The following PDZRN4 variants were observed in gnomAD, a reference collection of about 807,000 sequenced individuals.
PDZRN4 encodes the protein PDZ domain containing ring finger 4.
Under a neutral mutation model 99.0 loss-of-function variants are expected in PDZRN4, and 70 were observed. The ratio of observed to expected loss-of-function variants is 0.71; its 90% CI spans 0.58 to 0.86. PDZRN4 has a LOEUF of 0.86. Among genes scored for constraint, PDZRN4 ranks in the 40% least tolerant of loss-of-function variants. The probability of loss-of-function intolerance (pLI) is 0.00; values close to 1 mark genes in which losing one functional copy is unlikely to be tolerated. For synonymous variants in PDZRN4, 551 were observed against 501.6 expected (o/e 1.10, Z -1.32); for missense variants, 1,474 against 1,331.2 (o/e 1.11, Z -1.67).
Position 41,563,552 on chromosome 12 carries a change from A to G in PDZRN4, c.1370A>G (p.Asn457Ser), listed in dbSNP as rs1939310193. 4 of 1,610,782 alleles carry G rather than the reference A, an allele frequency of 2.5e-6. No homozygotes were observed. Among genetic ancestry groups the G allele is most frequent in the Non-Finnish European group, 3.4e-6 (4 of 1,177,138 alleles). Residue 457 changes from asparagine (N) to serine (S), a missense_variant, in exon 8 of 10, where the codon AAT becomes AGT. By Grantham distance (46) the Asn-to-Ser change is conservative. Transcript: ENST00000402685. The part of the protein sequence containing the change: ...IREGDRILQI[N>S]GEDVQNREEA... ...CCACTCTCATTTGTTTTCTAGATAA[A>G]TGGGGAAGATGTCCAGAATCGAGAA...
At chr12:41,319,201 C>T (rs1951658209) in intron 3 of PDZRN4, among the ~76,000 whole-genome samples, 1 of 152,118 alleles carries the variant, frequency 6.6e-6, no homozygotes, top group African/African-American at 2.4e-5. Context: ...CTCAGCCTCC[C>T]TAAGATTTCA....
chr12:41,402,075 GA>G (rs79247586), intron 3 of PDZRN4, among the ~76,000 whole-genome samples: 32 of 35,246 alleles, frequency 9.1e-4, no homozygotes, highest in Non-Finnish European at 1.3e-3. Context: ...AGCAGGAAAA[GA>G]AAAAAAAAAA....
At chr12:41,359,204 A>G (rs964791939) in intron 3 of PDZRN4, among the ~76,000 whole-genome samples, 1 of 151,994 alleles carries the variant, frequency 6.6e-6, no homozygotes, top group Non-Finnish European at 1.5e-5. Flanking sequence ...TTAGAAGGAA[A>G]GAGCTGATTA....
chr12:41,333,821 C>T (rs1008466300), intron 3 of PDZRN4, among the ~76,000 whole-genome samples: 1 of 152,086 alleles, frequency 6.6e-6, no homozygotes, highest in Admixed American at 6.6e-5. Flanking sequence ...TGGGGTTTAT[C>T]ATATTTAACT....
At chr12:41,278,085 G>A (rs765365758) in intron 3 of PDZRN4, among the ~76,000 whole-genome samples, 2 of 152,156 alleles carry the variant, frequency 1.3e-5, no homozygotes, top group African/African-American at 2.4e-5. Flanking sequence ...ATGTTTGCAT[G>A]GACACTAAGA....
intron 5 of PDZRN4, among the ~76,000 whole-genome samples, chr12:41,530,494 T>A (rs910627397): frequency 6.6e-6 from 1 of 152,200 alleles, no homozygotes; most frequent in Non-Finnish European, 1.5e-5. Flanking sequence ...GGGATTAACA[T>A]TTTTTAAAAT....
intron 3 of PDZRN4, among the ~76,000 whole-genome samples, chr12:41,406,993 A>T (rs1459107773): frequency 1.3e-5 from 2 of 152,196 alleles, no homozygotes; most frequent in Non-Finnish European, 2.9e-5. Context: ...CTGACAAGAA[A>T]TGCTACAACC....
At chr12:41,298,838 C>A (rs1951512684) in intron 3 of PDZRN4, among the ~76,000 whole-genome samples, 1 of 151,938 alleles carries the variant, frequency 6.6e-6, no homozygotes, top group Non-Finnish European at 1.5e-5. Context: ...GGAGAATATT[C>A]TTTTTCTTTG....
intron 3 of PDZRN4, among the ~76,000 whole-genome samples, chr12:41,365,495 T>C (rs550132166): frequency 3.2e-4 from 49 of 152,238 alleles, no homozygotes; most frequent in African/African-American, 1.2e-3. Context: ...CTTAATTTGA[T>C]GACCCTCTCT....
Position 41,446,797 on chromosome 12 carries a change from A to C in PDZRN4, c.844-59659A>C, listed in dbSNP as rs527685999. Among the ~76,000 whole-genome samples, 5 of 152,024 alleles carry C rather than the reference A, an allele frequency of 3.3e-5. No homozygotes were observed. In the South Asian group the frequency reaches 1.0e-3, roughly 32 times the overall value. On this transcript the variant is annotated intron_variant, in intron 3 of 9. Coordinates refer to ENST00000402685, the MANE Select transcript of PDZRN4 (RefSeq NM_001164595.2). ...AGGGGCATCTAAGAAACTTCATGGA[A>C]CAGCCAGACAGTGGATATTATTCCC...
chr12:41,355,002 A>T (rs954738137), intron 3 of PDZRN4, among the ~76,000 whole-genome samples: 1 of 152,102 alleles, frequency 6.6e-6, no homozygotes, highest in Admixed American at 6.6e-5. Context: ...CACAGAGAAT[A>T]GTGGGGAAAG....
intron 5 of PDZRN4, among the ~76,000 whole-genome samples, chr12:41,516,818 G>C (rs1157679466): frequency 6.6e-6 from 1 of 151,558 alleles, no homozygotes; most frequent in Non-Finnish European, 1.5e-5. Context: ...ACATTGTGTG[G>C]TTGTCCTGCT....
At chr12:41,228,750 T>G (rs940715510) in intron 3 of PDZRN4, among the ~76,000 whole-genome samples, 7 of 152,112 alleles carry the variant, frequency 4.6e-5, no homozygotes, top group African/African-American at 1.7e-4. Flanking sequence ...TTCCTTTAAG[T>G]AGCTCAAGGA....
At chr12:41,276,636 A>C (rs1013471449) in intron 3 of PDZRN4, among the ~76,000 whole-genome samples, 1 of 152,182 alleles carries the variant, frequency 6.6e-6, no homozygotes, top group Non-Finnish European at 1.5e-5. Flanking sequence ...AATTCTTTGA[A>C]TAAAACTTAC....
intron 3 of PDZRN4, among the ~76,000 whole-genome samples, chr12:41,433,879 A>G (rs2730810): frequency 0.52 from 79,114 of 151,948 alleles, 21,314 homozygotes; most frequent in African/African-American, 0.68. Context: ...GTTAAATATA[A>G]CAAAAATATA....
rs563750007 is a variant in PDZRN4, at chr12:41,278,946, G to C, written c.843+84758G>C. Among the ~76,000 whole-genome samples, 3 of 152,212 alleles carry C rather than the reference G, an allele frequency of 2.0e-5. No individual in the cohort carries two copies. In the East Asian group the frequency reaches 5.8e-4, roughly 29 times the overall value. ...CCTTATCTCAGCCTTTCAGCCTTCAGCTAAAACAGAAAGAAAAAGTCCCAG... is the reference window on the plus strand; with the variant it reads ...CCTTATCTCAGCCTTTCAGCCTTCACCTAAAACAGAAAGAAAAAGTCCCAG... On this transcript the variant is annotated intron_variant, in intron 3 of 9. Transcript: ENST00000402685.
chr12:41,379,335 C>A (rs1171909616), intron 3 of PDZRN4, among the ~76,000 whole-genome samples: 2 of 149,296 alleles, frequency 1.3e-5, no homozygotes, highest in African/African-American at 2.5e-5. Context: ...TTTTGTTGAC[C>A]TTTTCAATTG....
intron 3 of PDZRN4, among the ~76,000 whole-genome samples, chr12:41,213,762 G>A (rs960728640): frequency 7.9e-5 from 12 of 152,104 alleles, no homozygotes; most frequent in African/African-American, 2.6e-4. Flanking sequence ...GTTTTGGAAA[G>A]CATCATTGCA....
intron 3 of PDZRN4, among the ~76,000 whole-genome samples, chr12:41,296,360 A>C (rs1951493866): frequency 6.6e-6 from 1 of 152,150 alleles, no homozygotes; most frequent in Admixed American, 6.6e-5. Context: ...TCAAGAACAA[A>C]TTTCTTGGCA....
Sources: allele counts gnomAD v4.1 joint callset (sites outside exome capture counted in the v4.1 genomes callset), GRCh38; gene constraint gnomAD v4.1.1; transcripts MANE v1.5; gene names NCBI Gene and HGNC (gene_info 2026-07-23, HGNC 2026-07-21).